Variants in REV3L observed in about 807,000 individuals in gnomAD.
REV3L encodes the protein DNA polymerase zeta catalytic subunit.
In REV3L, 69 loss-of-function variants were observed where a neutral mutation model predicts 299.4. The observed-to-expected ratio is 0.23, with a 90% CI of 0.19 to 0.28. REV3L has a LOEUF of 0.28. Among genes scored for constraint, REV3L ranks in the 10% least tolerant of loss-of-function variants. REV3L has a pLI of 1.00. For synonymous variants in REV3L, 1,238 were observed against 1,271.4 expected (o/e 0.97, Z 0.56); for missense variants, 3,128 against 3,693.8 (o/e 0.85, Z 3.97).
At chr6:111,326,137 TCACATAAAG>T (rs1232189427) in intron 25 of REV3L, among the ~76,000 whole-genome samples, 1 of 152,088 alleles carries the variant, frequency 6.6e-6, no homozygotes, top group Non-Finnish European at 1.5e-5. Flanking sequence ...ACAAATGGGA[TCACATAAAG>T]CTAAAAAGCT....
intron 1 of REV3L, among the ~76,000 whole-genome samples, chr6:111,466,030 C>T (rs1217315028): frequency 1.3e-5 from 2 of 152,010 alleles, no homozygotes; most frequent in African/African-American, 2.4e-5. Context: ...GAACAAAGCT[C>T]GAAACTTAGC....
intron 27 of REV3L, among the ~76,000 whole-genome samples, chr6:111,314,234 A>C (rs1413423024): frequency 2.6e-5 from 4 of 152,214 alleles, no homozygotes; most frequent in Non-Finnish European, 5.9e-5. Flanking sequence ...CTTGTGGTAG[A>C]CTTTGTTTTG....
rs185303476 is a variant in REV3L, at chr6:111,436,503, T to C, written c.140-20031A>G. 2.2e-3 allele frequency among the ~76,000 whole-genome samples: 330 copies of C among 152,230 alleles called. 1 individual carries two copies. The highest frequency in any genetic ancestry group is 7.5e-3 in the African/African-American group (311 of 41,538). ...GCAACGTAAGTGAAACTGGAAGTCA[T>C]TATATGTTAAGTGAAAAAAGCCAAG... is the stretch of plus-strand genomic sequence containing the variant. On this transcript the variant is annotated intron_variant, in intron 1 of 31. Coordinates refer to ENST00000368802, the MANE Select transcript of REV3L (RefSeq NM_001372078.1).
At chr6:111,465,758 A>AAC (rs1026183109) in intron 1 of REV3L, among the ~76,000 whole-genome samples, 3 of 151,020 alleles carry the variant, frequency 2.0e-5, no homozygotes, top group South Asian at 2.1e-4. Flanking sequence ...AAAAAAAAAA[A>AAC]AAAAAAAACT....
In REV3L at chr6:111,351,717, G is replaced by A; in HGVS notation, c.7259C>T (p.Ala2420Val). Residue 2420 changes from alanine to valine, a missense_variant, in exon 19 of 32, where the codon GCT becomes GTT. Around this residue, in one of 9 missense-constraint regions of REV3L, gnomAD observed 50 missense variants for 48.2 expected, o/e 1.04. Coordinates refer to ENST00000368802, the MANE Select transcript of REV3L (RefSeq NM_001372078.1). ...SWGYLLQRAA[A>V]LSIDLCRMIS... is the part of the protein sequence containing the mutation. ...CATCCGACATAAGTCAATACTTAAA[G>A]CGGCAGCCCTTTGTAAGAGGTAACC... 1 of 1,613,712 alleles carries A rather than the reference G, an allele frequency of 6.2e-7. No individual in the cohort carries two copies. The highest frequency in any genetic ancestry group is 8.5e-7 in the Non-Finnish European group (1 of 1,179,798).
Position 111,374,988 on chromosome 6 carries a change from A to T in REV3L, c.3367T>A (p.Ser1123Thr). 1.2e-6 allele frequency: 2 copies of T among 1,612,696 alleles called. No homozygotes were observed. Among genetic ancestry groups the T allele is most frequent in the Non-Finnish European group, 1.7e-6 (2 of 1,179,536 alleles). The change falls in exon 13 of 32, where the codon TCT (serine) becomes ACT (threonine). Residue 1123 changes from serine to threonine, a missense_variant. Physicochemically the swap from Ser to Thr is moderately conservative, Grantham distance 58. Transcript: ENST00000368802. ...LSERSTSPINSSPPRCWSPTD... is the reference protein window; with the variant it reads ...LSERSTSPINTSPPRCWSPTD... ...GGAGACCAGCAGCGAGGTGGAGAAG[A>T]ATTTATGGGACTTGTGCTTCTCTCA...
intron 21 of REV3L, among the ~76,000 whole-genome samples, chr6:111,336,546 C>G (rs965695877): frequency 6.6e-6 from 1 of 152,000 alleles, no homozygotes; most frequent in Non-Finnish European, 1.5e-5. Context: ...AAAGTAGAGA[C>G]ATTGGAATCC....
intron 1 of REV3L, among the ~76,000 whole-genome samples, chr6:111,474,299 C>G (rs1792635064): frequency 6.6e-6 from 1 of 152,180 alleles, no homozygotes; most frequent in Admixed American, 6.5e-5. Flanking sequence ...CAGGTGAATA[C>G]AGATAGTCAG....
At chr6:111,455,949 AT>A (rs1790111858) in intron 1 of REV3L, among the ~76,000 whole-genome samples, 1 of 152,232 alleles carries the variant, frequency 6.6e-6, no homozygotes. Context: ...AGAGCATCAT[AT>A]CGAAACCTCG....
intron 21 of REV3L, among the ~76,000 whole-genome samples, chr6:111,338,802 T>C (rs1298937883): frequency 6.6e-6 from 1 of 152,142 alleles, no homozygotes. Flanking sequence ...AAAAGAAATA[T>C]TTTTACTATG....
Position 111,310,076 on chromosome 6 carries a change from C to A in REV3L, c.8819G>T (p.Arg2940Leu). The change falls in exon 30 of 32, where the codon CGC (arginine) becomes CTC (leucine). Residue 2940 changes from arginine (R) to leucine (L), a missense_variant. Transcript: ENST00000368802. ...LTRKMLTYDR[R>L]SEPQVGERVP... ...TCGCTCCCCAACCTGAGGCTCAGAG[C>A]GCCGGTCATAAGTCAGCATTTTCCT... 6.3e-7 allele frequency: 1 copy of A among 1,575,724 alleles called. No individual in the cohort carries two copies. Among genetic ancestry groups the A allele is most frequent in the Non-Finnish European group, 8.6e-7 (1 of 1,159,734 alleles).
At chr6:111,322,822 C>T (rs1422742948) in intron 25 of REV3L, 144 bp from the exon 26 acceptor site, 6 of 628,498 alleles carry the variant, frequency 9.5e-6, no homozygotes, top group Non-Finnish European at 1.7e-5. Context: ...AAATAGCCAT[C>T]AGTATCATCA....
intron 1 of REV3L, among the ~76,000 whole-genome samples, chr6:111,457,023 T>C (rs1045768738): frequency 6.6e-6 from 1 of 152,132 alleles, no homozygotes; most frequent in South Asian, 2.1e-4. Context: ...CGGTCTTAAA[T>C]ATTTTATGCA....
rs939210155 is a variant in REV3L at position 111,483,145 on chromosome 6, G to A, written c.-257C>T. The A allele has an allele frequency of 3.0e-4, 148 of 488,800 alleles. 2 individuals are homozygous for A. The highest frequency in any genetic ancestry group is 6.4e-5 in the Non-Finnish European group (18 of 282,544). 30.3% of individuals were successfully genotyped at this position (488,800 alleles called of 1,614,324 possible). On this transcript the variant is annotated 5_prime_UTR_variant, in exon 1 of 32. Coordinates refer to ENST00000368802, the MANE Select transcript of REV3L (RefSeq NM_001372078.1). ...CGTCGGTGCTGGTGCTGCCGCCACTGCCGCCACCGCCGGGAATCACACGGG... is the reference window on the plus strand; with the variant it reads ...CGTCGGTGCTGGTGCTGCCGCCACTACCGCCACCGCCGGGAATCACACGGG...
chr6:111,365,365 T>C, intron 14 of REV3L, 21 bp from the exon 15 acceptor site: 3 of 1,400,262 alleles, frequency 2.1e-6, no homozygotes, highest in Non-Finnish European at 2.0e-6. Flanking sequence ...AAATTTAATA[T>C]TTAACATGTA....
intron 9 of REV3L, among the ~76,000 whole-genome samples, chr6:111,382,937 G>A (rs1780980546): frequency 6.6e-6 from 1 of 152,170 alleles, no homozygotes; most frequent in Non-Finnish European, 1.5e-5. Flanking sequence ...AGGTAGAGTC[G>A]TGACACACAT....
chr6:111,428,620 T>C (rs1347002781), intron 1 of REV3L, among the ~76,000 whole-genome samples: 5 of 150,908 alleles, frequency 3.3e-5, no homozygotes, highest in East Asian at 3.9e-4. Flanking sequence ...GCAGGATATA[T>C]GAAACAAAAA....
In REV3L at chr6:111,377,848, A is replaced by G; in HGVS notation, c.1455-5T>C. ...TGGGTATTTCTGCACAGTGATCTGG[A>G]GAACATTAAAATTCACTGGTGAGCA... On this transcript the variant is annotated splice_region_variant and splice_polypyrimidine_tract_variant and intron_variant, in intron 11 of 31. Coordinates refer to ENST00000368802, the MANE Select transcript of REV3L (RefSeq NM_001372078.1). 1 of 1,604,458 alleles carries G rather than the reference A, an allele frequency of 6.2e-7. No homozygotes were observed. Among genetic ancestry groups the G allele is most frequent in the Non-Finnish European group, 8.5e-7 (1 of 1,176,688 alleles).
intron 1 of REV3L, among the ~76,000 whole-genome samples, chr6:111,470,699 G>T (rs1409844354): frequency 3.9e-5 from 6 of 152,194 alleles, no homozygotes; most frequent in Admixed American, 3.9e-4. Context: ...AGACATGCCG[G>T]GGTGTGGTGA....
Sources: gnomAD v4.1 joint callset for allele counts (sites outside exome capture counted in the v4.1 genomes callset) on GRCh38, gnomAD v4.1.1 for gene constraint, gnomAD v4.1.1 regional missense constraint, MANE v1.5 for transcripts, NCBI Gene and HGNC (gene_info 2026-07-23, HGNC 2026-07-21) for gene names.